The following ARHGAP12 variants were observed in gnomAD, a reference collection of about 807,000 sequenced individuals.
The protein encoded by ARHGAP12 is Rho GTPase activating protein 12, also known as rho GTPase-activating protein 12.
In ARHGAP12, 64 loss-of-function variants were observed where a neutral mutation model predicts 108.6. That is an observed-to-expected ratio of 0.59 (90% CI 0.48 to 0.73). The LOEUF (loss-of-function observed/expected upper bound fraction) is 0.73. Among genes scored for constraint, ARHGAP12 ranks in the 30% least tolerant of loss-of-function variants. ARHGAP12 has a pLI of 0.00. For missense variants in ARHGAP12, 940 were observed against 1,005.9 expected, an observed-to-expected ratio of 0.93 and a Z score of 0.89; for synonymous variants, 312 against 337.2, an observed-to-expected ratio of 0.93 and a Z score of 0.82.
rs756549770 is a variant in ARHGAP12, at chr10:31,908,638, G to C, written c.218C>G (p.Thr73Arg). The change falls in exon 3 of 20, where the codon ACG (threonine) becomes AGG (arginine). Residue 73 changes from threonine to arginine, a missense_variant. Thr to Arg is a moderately conservative substitution (Grantham distance 71). Transcript: ENST00000344936. ...YVPAQYVKEVTRKALMPPVKQ... is the reference protein window; with the variant it reads ...YVPAQYVKEVRRKALMPPVKQ... ...AACAGGTGGCATGAGAGCTTTGCGC[G>C]TGACCTCCTTCACATACTGGGCTGG... 1 of 1,614,148 alleles carries C rather than the reference G, an allele frequency of 6.2e-7. No individual in the cohort carries two copies. The highest frequency in any genetic ancestry group is 1.1e-5 in the South Asian group (1 of 91,082).
chr10:31,905,659 A>G (rs1485176643), intron 3 of ARHGAP12, among the ~76,000 whole-genome samples: 1 of 152,190 alleles, frequency 6.6e-6, no homozygotes, highest in Non-Finnish European at 1.5e-5. Flanking sequence ...TGCTGAAAAC[A>G]CTTGACAAAC....
intron 4 of ARHGAP12, among the ~76,000 whole-genome samples, chr10:31,857,428 G>A (rs1836928021): frequency 6.6e-6 from 1 of 152,024 alleles, no homozygotes; most frequent in South Asian, 2.1e-4. Context: ...TGAAAATGAG[G>A]CACAGAGAGA....
intron 1 of ARHGAP12, among the ~76,000 whole-genome samples, chr10:31,924,373 C>A (rs1257032823): frequency 6.6e-6 from 1 of 151,858 alleles, no homozygotes. Context: ...CTTGTAAGAA[C>A]GGAAAGAGAA....
chr10:31,926,218 C>T (rs1840032916), intron 1 of ARHGAP12, among the ~76,000 whole-genome samples: 1 of 151,508 alleles, frequency 6.6e-6, no homozygotes, highest in Admixed American at 6.6e-5. Context: ...AAGAGCTAAT[C>T]AATTACAAAA....
intron 3 of ARHGAP12, among the ~76,000 whole-genome samples, chr10:31,892,177 C>A (rs1390298503): frequency 6.6e-6 from 1 of 152,048 alleles, no homozygotes; most frequent in Non-Finnish European, 1.5e-5. Flanking sequence ...TAAAGACCAT[C>A]GAGGCTAGGA....
intron 1 of ARHGAP12, among the ~76,000 whole-genome samples, chr10:31,919,263 T>C (rs1207687876): frequency 7.2e-5 from 11 of 152,178 alleles, no homozygotes; most frequent in Admixed American, 5.9e-4. Flanking sequence ...GTATGGAGTT[T>C]CAGTTTAGAA....
In ARHGAP12 at chr10:31,908,110, A is replaced by C. The variant is rs1706291778; in HGVS notation, c.684+62T>G. The C allele has an allele frequency of 2.1e-6, 3 of 1,432,330 alleles. No individual in the cohort carries two copies. The South Asian group carries it at 4.4e-5, about 21-fold the overall frequency. The allele number at this position is 1,432,330 out of a possible 1,614,324, so 88.7% of individuals were successfully genotyped here. A position where few individuals can be genotyped will look rare whatever the true frequency, so the allele number is the denominator to read the frequency against. ...TAACTCTTACAAATATTTCAATTAAAACTATAACTAATATTTTCACTAGGG... is the reference window on the plus strand; with the variant it reads ...TAACTCTTACAAATATTTCAATTAACACTATAACTAATATTTTCACTAGGG... On this transcript the variant is annotated intron_variant, in intron 3 of 19. Coordinates refer to ENST00000344936, the MANE Select transcript of ARHGAP12 (RefSeq NM_018287.7).
At position 31,883,817 on chromosome 10, in the gene ARHGAP12, T is replaced by C. The variant is rs566110222; in HGVS notation, c.685-22159A>G. ...ACCTCTGCATCCTGGGCTCAAGTGATCCTCCCAGCTCAGCTTCCCAGGTAG... is the reference window on the plus strand; with the variant it reads ...ACCTCTGCATCCTGGGCTCAAGTGACCCTCCCAGCTCAGCTTCCCAGGTAG... On this transcript the variant is annotated intron_variant, in intron 3 of 19. Coordinates refer to ENST00000344936, the MANE Select transcript of ARHGAP12 (RefSeq NM_018287.7). Among the ~76,000 whole-genome samples the C allele has an allele frequency of 4.1e-4, 62 of 151,974 alleles. 1 individual carries two copies. Among genetic ancestry groups the C allele is most frequent in the South Asian group, 2.7e-3 (13 of 4,812 alleles).
At chr10:31,844,956 G>T (rs1303687802) in intron 6 of ARHGAP12, among the ~76,000 whole-genome samples, 1 of 152,082 alleles carries the variant, frequency 6.6e-6, no homozygotes, top group Admixed American at 6.6e-5. Context: ...AAATGCATTG[G>T]ACTTGTAGAT....
intron 9 of ARHGAP12, 108 bp from the exon 10 acceptor site, chr10:31,831,908 GAA>G: frequency 5.5e-6 from 3 of 546,128 alleles, no homozygotes; most frequent in Non-Finnish European, 9.4e-6. Flanking sequence ...TAGCTTAAAA[GAA>G]AAGATTAGTC....
chr10:31,822,844 C>T (rs367788011), intron 11 of ARHGAP12, among the ~76,000 whole-genome samples: 6 of 152,120 alleles, frequency 3.9e-5, no homozygotes, highest in African/African-American at 7.2e-5. Context: ...CATCTGGTAA[C>T]GTTTGGAGAT....
chr10:31,875,152 A>G (rs950519941), intron 3 of ARHGAP12, among the ~76,000 whole-genome samples: 1 of 152,002 alleles, frequency 6.6e-6, no homozygotes, highest in Non-Finnish European at 1.5e-5. Flanking sequence ...GAGTTCATCT[A>G]TTTTTGAAAT....
chr10:31,925,809 C>T (rs1458141131), intron 1 of ARHGAP12, among the ~76,000 whole-genome samples: 3 of 152,162 alleles, frequency 2.0e-5, no homozygotes, highest in Admixed American at 6.5e-5. Context: ...GTGCCTAATG[C>T]AAATTGAGAA....
rs1400015373 is a variant in ARHGAP12, at chr10:31,843,510, A to G, written c.1247T>C (p.Val416Ala). The change falls in exon 7 of 20, where the codon GTA becomes GCA. Residue 416 changes from valine (V) to alanine (A), a missense_variant. Val to Ala is a moderately conservative substitution (Grantham distance 64). Transcript: ENST00000344936. ...GGTGCTATGTCTCCACTTTGTTAAT[A>G]CTATTGGTTCTTGCAGCCGCCTGTC... Reference protein sequence around the residue: ...SLDRRLQEPIVLTKWRHSTIV... With the variant: ...SLDRRLQEPIALTKWRHSTIV... 1 of 1,613,152 alleles carries G rather than the reference A, an allele frequency of 6.2e-7. No homozygotes were observed. The highest frequency in any genetic ancestry group is 8.5e-7 in the Non-Finnish European group (1 of 1,179,584).
chr10:31,864,105 G>A (rs114063468), intron 3 of ARHGAP12, among the ~76,000 whole-genome samples: 171 of 152,038 alleles, frequency 1.1e-3, no homozygotes, highest in African/African-American at 3.8e-3. Context: ...TTTGTGCTAA[G>A]ATACAAAAAA....
intron 3 of ARHGAP12, among the ~76,000 whole-genome samples, chr10:31,904,298 A>G (rs1839036231): frequency 6.6e-6 from 1 of 152,200 alleles, no homozygotes; most frequent in South Asian, 2.1e-4. Context: ...CAAACTATTG[A>G]TAACACACAG....
intron 6 of ARHGAP12, among the ~76,000 whole-genome samples, chr10:31,847,356 A>AC (rs1353630927): frequency 6.6e-6 from 1 of 152,054 alleles, no homozygotes; most frequent in Non-Finnish European, 1.5e-5. Context: ...CAGGTTGTGA[A>AC]CCCCAGCCTG....
intron 4 of ARHGAP12, among the ~76,000 whole-genome samples, chr10:31,856,176 T>A (rs529208509): frequency 3.2e-4 from 49 of 151,930 alleles, no homozygotes; most frequent in African/African-American, 1.1e-3. Context: ...TTACATAAAA[T>A]TTTTTTTAAA....
intron 9 of ARHGAP12, among the ~76,000 whole-genome samples, chr10:31,838,160 C>T (rs1160494309): frequency 6.6e-6 from 1 of 152,188 alleles, no homozygotes; most frequent in East Asian, 1.9e-4. Flanking sequence ...TGAATAGAAG[C>T]TAACCAGGCA....
Sources: gnomAD v4.1 joint callset for allele counts (sites outside exome capture counted in the v4.1 genomes callset) on GRCh38, gnomAD v4.1.1 for gene constraint, MANE v1.5 for transcripts, NCBI Gene and HGNC (gene_info 2026-07-23, HGNC 2026-07-21) for gene names.